Variants in BMPR1B observed in about 807,000 individuals in gnomAD.
The protein encoded by BMPR1B is bone morphogenetic protein receptor type-1B.
Under a neutral mutation model 59.1 loss-of-function variants are expected in BMPR1B, and 12 were observed. The observed-to-expected ratio is 0.20, with a 90% confidence interval of 0.13 to 0.33. The LOEUF is 0.33. Ranked by LOEUF, BMPR1B falls within the 10% of genes least tolerant of loss-of-function variation. BMPR1B has a pLI of 1.00. For synonymous variants in BMPR1B, 237 were observed against 207.3 expected, an observed-to-expected ratio of 1.14 and a Z score of -1.23; for missense variants, 550 against 610.9, an observed-to-expected ratio of 0.90 and a Z score of 1.05.
At chr4:94,962,407 G>A (rs34836261) in intron 2 of BMPR1B, among the ~76,000 whole-genome samples, 12,042 of 152,122 alleles carry the variant, frequency 0.079, 550 homozygotes, top group African/African-American at 0.13. Context: ...CAAAGTGCTA[G>A]GATTACAGGC....
rs144298602 is a variant in BMPR1B at position 95,152,602 on chromosome 4, AAAT to A, written c.1253-21_1253-19del. Reference sequence around the variant, plus strand: ...TAGACTTTTATTTCTACTTCACAGAAAATAATAATAATAATAATAATAGTAACA... The same window carrying A: ...TAGACTTTTATTTCTACTTCACAGAAAATAATAATAATAATAATAGTAACA... On this transcript the variant is annotated intron_variant, in intron 11 of 12. Transcript: ENST00000515059. 10,537 of 1,403,600 alleles carry A rather than the reference AAAT, an allele frequency of 7.5e-3. 166 individuals are homozygous for A. Among genetic ancestry groups the A allele is most frequent in the African/African-American group, 0.073 (5,007 of 68,958 alleles). The allele number at this position is 1,403,600 out of a possible 1,614,324, so 86.9% of individuals were successfully genotyped here.
chr4:95,107,439 G>A (rs924588117), intron 4 of BMPR1B, among the ~76,000 whole-genome samples: 4 of 151,738 alleles, frequency 2.6e-5, no homozygotes, highest in African/African-American at 4.8e-5. Context: ...CAAAGAAAAA[G>A]TAAACAAAAA....
intron 3 of BMPR1B, among the ~76,000 whole-genome samples, chr4:95,032,381 A>G (rs372064573): frequency 4.6e-5 from 7 of 152,084 alleles, no homozygotes; most frequent in Admixed American, 1.3e-4. Flanking sequence ...TACTCTCATG[A>G]TGACATCTAA....
In BMPR1B at chr4:94,776,097, G is replaced by GAAA. The variant is rs200886486; in HGVS notation, c.-183+18041_-183+18043dup. ...CAGAGCAAGACTTGTCTCAAAAAAA[G>GAAA]AAAAAAAAAAAAAAGAAATTAATAG... On this transcript the variant is annotated intron_variant, in intron 1 of 12. Transcript: ENST00000515059. Among the ~76,000 whole-genome samples the GAAA allele has an allele frequency of 1.1e-3, 153 of 139,008 alleles. 2 individuals carry two copies. The highest frequency in any genetic ancestry group is 2.1e-3 in the African/African-American group (78 of 37,610). 91.2% of individuals were successfully genotyped at this position (139,008 alleles called of 152,430 possible).
intron 6 of BMPR1B, among the ~76,000 whole-genome samples, chr4:95,116,391 C>T (rs1379251803): frequency 7.2e-6 from 1 of 138,368 alleles, no homozygotes; most frequent in African/African-American, 3.0e-5. Context: ...TCTCATGTTC[C>T]CTTTCTCCTC....
intron 3 of BMPR1B, among the ~76,000 whole-genome samples, chr4:95,053,877 G>T (rs1317301425): frequency 2.0e-5 from 3 of 152,104 alleles, no homozygotes; most frequent in Non-Finnish European, 2.9e-5. Context: ...GAGATTAACA[G>T]AAATTAAGCC....
chr4:94,971,930 C>G (rs1730807166), intron 2 of BMPR1B, among the ~76,000 whole-genome samples: 1 of 151,572 alleles, frequency 6.6e-6, no homozygotes, highest in Non-Finnish European at 1.5e-5. Flanking sequence ...AATGATGAGC[C>G]TCTTAAATGA....
intron 2 of BMPR1B, among the ~76,000 whole-genome samples, chr4:94,901,022 G>A (rs1467424120): frequency 6.6e-6 from 1 of 151,916 alleles, no homozygotes; most frequent in African/African-American, 2.4e-5. Flanking sequence ...TTCCAACCCT[G>A]GAACCCCTTG....
At chr4:95,026,218 C>T (rs995540332) in intron 3 of BMPR1B, among the ~76,000 whole-genome samples, 1 of 148,406 alleles carries the variant, frequency 6.7e-6, no homozygotes, top group Admixed American at 6.9e-5. Context: ...GACTTATTAT[C>T]TGAGTCTTTT....
chr4:95,098,996 A>C (rs1479824105), intron 3 of BMPR1B, among the ~76,000 whole-genome samples: 2 of 152,158 alleles, frequency 1.3e-5, no homozygotes, highest in South Asian at 4.1e-4. Flanking sequence ...GATTACAGGC[A>C]TTAGCCACCG....
intron 11 of BMPR1B, 83 bp from the exon 12 acceptor site, chr4:95,152,560 T>A: frequency 7.8e-7 from 1 of 1,288,662 alleles, no homozygotes; most frequent in Non-Finnish European, 1.1e-6. Context: ...ATAGCACTTT[T>A]CCTTTGAGAA....
chr4:95,151,143 A>C (rs1049158204), intron 11 of BMPR1B, among the ~76,000 whole-genome samples: 1 of 152,230 alleles, frequency 6.6e-6, no homozygotes, highest in African/African-American at 2.4e-5. Flanking sequence ...GAAAGACAGA[A>C]AGGTTTGAGG....
chr4:94,927,566 C>G (rs1728938610), intron 2 of BMPR1B, among the ~76,000 whole-genome samples: 1 of 152,080 alleles, frequency 6.6e-6, no homozygotes, highest in South Asian at 2.1e-4. Context: ...AAAGGACATT[C>G]AGTTGGCAGA....
In BMPR1B at chr4:94,794,211, G is replaced by A. The variant is rs1188121832; in HGVS notation, c.-183+36143G>A. ...GATTTTTGTATAAGGTGTAAGGAAGGGATCCAGTTTCAGCTTTCTACATAT... is the reference window on the plus strand; with the variant it reads ...GATTTTTGTATAAGGTGTAAGGAAGAGATCCAGTTTCAGCTTTCTACATAT... On this transcript the variant is annotated intron_variant, in intron 1 of 12. Coordinates refer to ENST00000515059, the MANE Select transcript of BMPR1B (RefSeq NM_001203.3). Among the ~76,000 whole-genome samples the A allele has an allele frequency of 3.3e-3, 452 of 138,302 alleles. 1 individual carries two copies. The highest frequency in any genetic ancestry group is 0.012 in the African/African-American group (417 of 35,312). The allele number at this position is 138,302 out of a possible 152,430, so 90.7% of individuals were successfully genotyped here. A position where few individuals can be genotyped will look rare whatever the true frequency, so the allele number is the denominator to read the frequency against.
chr4:95,104,908 T>TTTTGTTTGTTTG (rs3841975), intron 4 of BMPR1B, among the ~76,000 whole-genome samples: 1 of 151,312 alleles, frequency 6.6e-6, no homozygotes, highest in African/African-American at 2.4e-5. Flanking sequence ...ATGCGTGTGA[T>TTTTGTTTGTTTG]TTTGTTTGTT....
chr4:95,068,435 C>G (rs1011571739), intron 3 of BMPR1B, among the ~76,000 whole-genome samples: 5 of 152,150 alleles, frequency 3.3e-5, no homozygotes, highest in African/African-American at 9.6e-5. Flanking sequence ...CTACAGCCAC[C>G]AGTTCCATGG....
At chr4:94,965,658 T>A (rs760164090) in intron 2 of BMPR1B, among the ~76,000 whole-genome samples, 4 of 152,194 alleles carry the variant, frequency 2.6e-5, no homozygotes, top group Non-Finnish European at 4.4e-5. Flanking sequence ...GTTAAAGGTT[T>A]TCAAATTTGA....
chr4:94,795,521 G>A (rs189725404), intron 1 of BMPR1B, among the ~76,000 whole-genome samples: 101 of 151,988 alleles, frequency 6.6e-4, no homozygotes, highest in African/African-American at 2.3e-3. Flanking sequence ...TTGGAGTGCA[G>A]TGGCGTGATC....
At chr4:95,023,120 G>T (rs960986362) in intron 3 of BMPR1B, among the ~76,000 whole-genome samples, 1 of 152,096 alleles carries the variant, frequency 6.6e-6, no homozygotes, top group Non-Finnish European at 1.5e-5. Flanking sequence ...CCAGTGTAAA[G>T]CCTATAAGGC....
Sources: gnomAD v4.1 joint callset for allele counts (sites outside exome capture counted in the v4.1 genomes callset) on GRCh38, gnomAD v4.1.1 for gene constraint, MANE v1.5 for transcripts, NCBI Gene and HGNC (gene_info 2026-07-23, HGNC 2026-07-21) for gene names.